KANK1: variants seen among roughly 807,000 people sequenced by gnomAD.
The protein encoded by KANK1 is KN motif and ankyrin repeat domains 1.
Under a neutral mutation model 106.2 loss-of-function variants are expected in KANK1, and 109 were observed. That is an observed-to-expected ratio of 1.03 (90% CI 0.88 to 1.20). The LOEUF (loss-of-function observed/expected upper bound fraction) is 1.20, where lower values mean the gene tolerates loss of function less well. Among genes scored for constraint, KANK1 ranks in the 50% most tolerant of loss-of-function variants. The pLI is 0.00. For synonymous variants in KANK1, 873 were observed against 652.2 expected (o/e 1.34, Z -5.16); for missense variants, 2,399 against 1,710.7 (o/e 1.40, Z -7.10).
At chr9:670,624 A>C (rs540106138) in intron 1 of KANK1, among the ~76,000 whole-genome samples, 2 of 151,868 alleles carry the variant, frequency 1.3e-5, no homozygotes, top group Admixed American at 1.3e-4. Flanking sequence ...CCGAACACCC[A>C]CTCTGATTTG....
At chr9:677,970 C>A (rs1489438959) in intron 2 of KANK1, among the ~76,000 whole-genome samples, 1 of 152,188 alleles carries the variant, frequency 6.6e-6, no homozygotes, top group Non-Finnish European at 1.5e-5. Flanking sequence ...CAGAAACATA[C>A]TTAGAGGAGC....
chr9:615,388 C>G (rs1191179132), intron 1 of KANK1, among the ~76,000 whole-genome samples: 1 of 152,144 alleles, frequency 6.6e-6, no homozygotes, highest in African/African-American at 2.4e-5. Flanking sequence ...CTAGAATTCC[C>G]TCTTTTTTTC....
At chr9:554,250 G>A (rs942052573) in intron 1 of KANK1, among the ~76,000 whole-genome samples, 1 of 152,196 alleles carries the variant, frequency 6.6e-6, no homozygotes, top group African/African-American at 2.4e-5. Flanking sequence ...GGGAGCACCT[G>A]GCGTAAGTTT....
At chr9:671,541 G>A (rs1278455985) in intron 1 of KANK1, among the ~76,000 whole-genome samples, 3 of 144,582 alleles carry the variant, frequency 2.1e-5, no homozygotes, top group Non-Finnish European at 3.0e-5. Flanking sequence ...GCGTGAACCC[G>A]GGAGGCGGAG....
At chr9:605,257 A>C (rs2001629) in intron 1 of KANK1, among the ~76,000 whole-genome samples, 68,631 of 148,478 alleles carry the variant, frequency 0.46, 16,912 homozygotes, top group South Asian at 0.56. Context: ...GCCCAGATTG[A>C]ACCACTGCAC....
chr9:710,611 G>C (rs1180313273), intron 2 of KANK1, among the ~76,000 whole-genome samples, 193 bp from the exon 3 acceptor site: 3 of 96,510 alleles, frequency 3.1e-5, no homozygotes, highest in African/African-American at 1.3e-4. Flanking sequence ...AGAATGACCT[G>C]TCTCAAAAAA....
intron 1 of KANK1, among the ~76,000 whole-genome samples, chr9:518,492 G>A (rs1056077053): frequency 6.6e-6 from 1 of 151,718 alleles, no homozygotes; most frequent in Non-Finnish European, 1.5e-5. Flanking sequence ...CGATGTAGGG[G>A]AGGGGTTCGG....
intron 1 of KANK1, among the ~76,000 whole-genome samples, chr9:510,776 C>T (rs573237850): frequency 6.6e-6 from 1 of 152,194 alleles, no homozygotes; most frequent in Non-Finnish European, 1.5e-5. Flanking sequence ...AAGTCAGCAT[C>T]ATGGGGTTTA....
intron 2 of KANK1, among the ~76,000 whole-genome samples, chr9:682,087 C>G (rs1188792380): frequency 6.6e-6 from 1 of 152,128 alleles, no homozygotes; most frequent in East Asian, 1.9e-4. Context: ...CGAGACCAGC[C>G]TGGCCAACAT....
At chr9:512,075 G>C (rs543872674) in intron 1 of KANK1, among the ~76,000 whole-genome samples, 2 of 152,150 alleles carry the variant, frequency 1.3e-5, no homozygotes, top group African/African-American at 4.8e-5. Context: ...AATGACTGTT[G>C]AGCAGAGCAC....
At chr9:572,177 G>T (rs1290840070) in intron 1 of KANK1, among the ~76,000 whole-genome samples, 3 of 120,656 alleles carry the variant, frequency 2.5e-5, no homozygotes, top group Non-Finnish European at 4.9e-5. Context: ...TTTTCTAAGA[G>T]ACAGGGTCTT....
At chr9:732,147 C>A in intron 5 of KANK1, 1 of 391,682 alleles carries the variant, frequency 2.6e-6, no homozygotes, top group South Asian at 5.2e-5. Flanking sequence ...TTTTCTTTAA[C>A]AAGTGTTACA....
In KANK1 at chr9:525,228, C is replaced by T. The variant is rs2059733888; in HGVS notation, c.-84+20474C>T. Among the ~76,000 whole-genome samples the T allele has an allele frequency of 2.0e-5, 3 of 151,460 alleles. No individual in the cohort carries two copies. The South Asian group carries it at 6.2e-4, about 31-fold the overall frequency. On this transcript the variant is annotated intron_variant, in intron 1 of 11. Coordinates refer to ENST00000382297, the MANE Select transcript of KANK1 (RefSeq NM_015158.5). The stretch of plus-strand genomic sequence containing the variant: ...CAGGCTGGTCTCAAACTCCTGCCCT[C>T]AGGTAATCCACCCACCTTGGCCTCC...
chr9:562,042 C>CTTTTTTTTT (rs34419752), intron 1 of KANK1, among the ~76,000 whole-genome samples: 102 of 104,904 alleles, frequency 9.7e-4, no homozygotes, highest in East Asian at 1.4e-3. Flanking sequence ...ATTGCATTTT[C>CTTTTTTTTT]TTTTTTTTTT....
chr9:634,399 G>A (rs1286147131), intron 1 of KANK1, among the ~76,000 whole-genome samples: 2 of 152,168 alleles, frequency 1.3e-5, no homozygotes, highest in African/African-American at 4.8e-5. Flanking sequence ...TTGCCTGAAT[G>A]CAAAAGTCTG....
At chr9:515,521 G>A (rs1360727388) in intron 1 of KANK1, among the ~76,000 whole-genome samples, 1 of 151,734 alleles carries the variant, frequency 6.6e-6, no homozygotes, top group Non-Finnish European at 1.5e-5. Flanking sequence ...AAGAACAGAA[G>A]TTTATGGATA....
intron 1 of KANK1, among the ~76,000 whole-genome samples, chr9:622,807 C>G (rs1300773759): frequency 6.6e-6 from 1 of 152,008 alleles, no homozygotes. Context: ...GAGGCTGAGG[C>G]AGGAGAATGG....
intron 3 of KANK1, among the ~76,000 whole-genome samples, chr9:722,566 T>C (rs1829628864): frequency 6.6e-6 from 1 of 152,224 alleles, no homozygotes; most frequent in Non-Finnish European, 1.5e-5. Flanking sequence ...CATTGGTGCA[T>C]GCGGTGCCTA....
chr9:538,881 T>G (rs1473333027), intron 1 of KANK1, among the ~76,000 whole-genome samples: 6 of 152,150 alleles, frequency 3.9e-5, no homozygotes, highest in Admixed American at 2.0e-4. Context: ...CAGCTTTTGT[T>G]TTTTATTTAT....
Sources: gnomAD v4.1 joint callset for allele counts (sites outside exome capture counted in the v4.1 genomes callset) on GRCh38, gnomAD v4.1.1 for gene constraint, MANE v1.5 for transcripts, NCBI Gene and HGNC (gene_info 2026-07-23, HGNC 2026-07-21) for gene names.